Variants in MIB1 observed in about 807,000 individuals in gnomAD.
MIB1 encodes the protein E3 ubiquitin-protein ligase MIB1.
MIB1 carries 278 observed loss-of-function variants against 124.5 expected under a neutral mutation model. The ratio of observed to expected loss-of-function variants is 2.23; its 90% CI spans 2.02 to 2.47. The LOEUF is 2.47. MIB1 is among the 30% of genes most tolerant of loss of function. MIB1 has a pLI of 0.00. For missense variants in MIB1, 957 were observed against 1,254.4 expected, an observed-to-expected ratio of 0.76 and a Z score of 3.58; for synonymous variants, 446 against 429.4, an observed-to-expected ratio of 1.04 and a Z score of -0.48.
chr18:21,804,410 T>C (rs914722253), intron 10 of MIB1, among the ~76,000 whole-genome samples: 1 of 152,260 alleles, frequency 6.6e-6, no homozygotes, highest in Non-Finnish European at 1.5e-5. Context: ...CATAACTGAA[T>C]TAGCATTTTT....
At chr18:21,713,851 G>A (rs187103171) in intron 1 of MIB1, among the ~76,000 whole-genome samples, 1,602 of 150,150 alleles carry the variant, frequency 0.011, 20 homozygotes, top group Non-Finnish European at 0.015. Context: ...CACCCTCCTC[G>A]GCCTCCCAAA....
intron 12 of MIB1, among the ~76,000 whole-genome samples, chr18:21,821,067 C>A (rs958042594): frequency 6.6e-6 from 1 of 152,150 alleles, no homozygotes; most frequent in East Asian, 1.9e-4. Flanking sequence ...AAATTTTACT[C>A]ATTCTACCAA....
At chr18:21,793,070 G>T (rs75308056) in intron 7 of MIB1, among the ~76,000 whole-genome samples, 2,458 of 152,294 alleles carry the variant, frequency 0.016, 62 homozygotes, top group African/African-American at 0.052. Context: ...CTCTTCGTAT[G>T]GGAGCAGAGA....
At chr18:21,763,050 C>T (rs571526915) in intron 1 of MIB1, among the ~76,000 whole-genome samples, 1 of 150,778 alleles carries the variant, frequency 6.6e-6, no homozygotes, top group Non-Finnish European at 1.5e-5. Flanking sequence ...AGTGTGTTTA[C>T]CTATCACTTT....
Position 21,706,318 on chromosome 18 carries a change from G to T in MIB1, n.167+1195G>T, listed in dbSNP as rs569353823. ...CTGGTCTGGAACTCCTGATCCACTCGCCTCGGCCTCCCAAAGTGCTGGTGA... is the reference window on the plus strand; with the variant it reads ...CTGGTCTGGAACTCCTGATCCACTCTCCTCGGCCTCCCAAAGTGCTGGTGA... On this transcript the variant is annotated intron_variant and non_coding_transcript_variant, in intron 1 of 20. Coordinates refer to the MIB1 transcript ENST00000578646. 2.0e-5 allele frequency among the ~76,000 whole-genome samples: 3 copies of T among 152,104 alleles called. No individual in the cohort carries two copies. In the East Asian group the frequency reaches 5.8e-4, roughly 29 times the overall value.
intron 4 of MIB1, among the ~76,000 whole-genome samples, chr18:21,775,251 A>G (rs902563181): frequency 3.3e-5 from 5 of 151,730 alleles, no homozygotes; most frequent in African/African-American, 1.2e-4. Flanking sequence ...GGCCTTATTT[A>G]TTTTTAGAGA....
rs570886896 is a variant in MIB1 at position 21,847,235 on chromosome 18, G to A, written c.2393+110G>A. On this transcript the variant is annotated intron_variant, in intron 16 of 20. Coordinates refer to ENST00000261537, the MANE Select transcript of MIB1 (RefSeq NM_020774.4). ...AAATGTCTTCATCTTTGCTCTTCCTGTATATTTGTGTTGACCCTTTCTTTC... is the reference window on the plus strand; with the variant it reads ...AAATGTCTTCATCTTTGCTCTTCCTATATATTTGTGTTGACCCTTTCTTTC... 7.4e-6 allele frequency: 7 copies of A among 948,674 alleles called. No homozygotes were observed. The Admixed American group carries it at 1.7e-4, about 23-fold the overall frequency. 58.8% of individuals were successfully genotyped at this position (948,674 alleles called of 1,614,324 possible).
At chr18:21,836,429 A>C (rs1454031359) in intron 12 of MIB1, among the ~76,000 whole-genome samples, 2 of 152,144 alleles carry the variant, frequency 1.3e-5, no homozygotes, top group Non-Finnish European at 2.9e-5. Flanking sequence ...GTACATAGTT[A>C]AGTCAAATGT....
At position 21,798,303 on chromosome 18, in the gene MIB1, A is replaced by G. The variant is rs943109676; in HGVS notation, c.1237+75A>G. On this transcript the variant is annotated intron_variant, in intron 8 of 20. Transcript: ENST00000261537. The stretch of plus-strand genomic sequence containing the variant: ...CCTTTGCTAATTCCCCAGTTCTCAT[A>G]TACAGATAATGTTGTACATGTGCTT... 1.1e-5 allele frequency: 16 copies of G among 1,407,366 alleles called. No homozygotes were observed. In the Admixed American group the frequency reaches 1.7e-4, roughly 15 times the overall value. 87.2% of individuals were successfully genotyped at this position (1,407,366 alleles called of 1,614,324 possible). A position where few individuals can be genotyped will look rare whatever the true frequency, so the allele number is the denominator to read the frequency against.
chr18:21,722,243 A>T (rs1049835910), intron 1 of MIB1, among the ~76,000 whole-genome samples: 20 of 151,704 alleles, frequency 1.3e-4, no homozygotes, highest in African/African-American at 4.6e-4. Context: ...TTTAGTAGAG[A>T]TAGCGTTTCA....
intron 18 of MIB1, chr18:21,854,596 CTTTT>C (rs34762697): frequency 1.7e-4 from 20 of 116,314 alleles, no homozygotes; most frequent in South Asian, 2.7e-4. Flanking sequence ...GCGTTTGCTC[CTTTT>C]TTTTTTTTTT....
chr18:21,822,066 C>A (rs1355761054), intron 12 of MIB1, among the ~76,000 whole-genome samples: 1 of 152,164 alleles, frequency 6.6e-6, no homozygotes. Context: ...CTTACTTTGA[C>A]AGTGAGCACA....
At chr18:21,836,110 T>C (rs1568220819) in intron 12 of MIB1, among the ~76,000 whole-genome samples, 1 of 150,904 alleles carries the variant, frequency 6.6e-6, no homozygotes, top group Non-Finnish European at 1.5e-5. Context: ...AAAAATTAGC[T>C]GGGCTTGGTG....
intron 12 of MIB1, among the ~76,000 whole-genome samples, chr18:21,834,296 C>G (rs1487829627): frequency 2.6e-5 from 4 of 151,964 alleles, no homozygotes; most frequent in Non-Finnish European, 5.9e-5. Context: ...TCTTGAGGCC[C>G]TGTATTATTA....
intron 6 of MIB1, among the ~76,000 whole-genome samples, chr18:21,787,828 G>A (rs1032679927): frequency 6.9e-4 from 104 of 150,634 alleles, no homozygotes; most frequent in African/African-American, 2.4e-3. Flanking sequence ...AGATTTTGGC[G>A]TTGCCACAGA....
chr18:21,828,975 T>A, intron 12 of MIB1: 1 of 466,990 alleles, frequency 2.1e-6, no homozygotes, highest in Non-Finnish European at 4.4e-6. Context: ...TTCTTTTAGC[T>A]CAGTTTAATT....
Position 21,865,286 on chromosome 18 carries a change from T to C in MIB1, c.*620T>C, listed in dbSNP as rs1360259711. ...AATAATGACTTTGCATTTCTCTTGTTTTCTAGATTCAAAAGGAACATTGTT... is the reference window on the plus strand; with the variant it reads ...AATAATGACTTTGCATTTCTCTTGTCTTCTAGATTCAAAAGGAACATTGTT... On this transcript the variant is annotated 3_prime_UTR_variant, in exon 21 of 21. Transcript: ENST00000261537. The C allele has an allele frequency of 1.3e-5, 2 of 152,186 alleles. No homozygotes were observed. Among genetic ancestry groups the C allele is most frequent in the East Asian group, 3.8e-4 (2 of 5,198 alleles). The allele number at this position is 152,186 out of a possible 1,614,324, so 9.4% of individuals were successfully genotyped here.
intron 4 of MIB1, among the ~76,000 whole-genome samples, chr18:21,775,137 C>T (rs891991080): frequency 2.6e-5 from 4 of 151,088 alleles, no homozygotes; most frequent in African/African-American, 9.7e-5. Context: ...AGTAGAGACG[C>T]GATTTCACTG....
intron 1 of MIB1, among the ~76,000 whole-genome samples, chr18:21,748,340 C>G (rs919243395): frequency 1.1e-4 from 17 of 149,432 alleles, no homozygotes; most frequent in African/African-American, 3.7e-4. Context: ...CTTTGCTTTG[C>G]TTTTCTTCCT....
Sources: allele counts gnomAD v4.1 joint callset (sites outside exome capture counted in the v4.1 genomes callset), GRCh38; gene constraint gnomAD v4.1.1; transcripts MANE v1.5; gene names NCBI Gene and HGNC (gene_info 2026-07-23, HGNC 2026-07-21).